WASL: variants seen among roughly 807,000 people sequenced by gnomAD.
The protein encoded by WASL is actin nucleation-promoting factor WASL.
In WASL, 20 loss-of-function variants were observed where a neutral mutation model predicts 55.5. The observed-to-expected ratio is 0.36, with a 90% CI of 0.25 to 0.52. The LOEUF is 0.52. WASL is among the 20% of genes least tolerant of loss of function. WASL has a pLI of 0.92. For missense variants in WASL, 504 were observed against 622.5 expected (o/e 0.81, Z 2.03); for synonymous variants, 249 against 217.6 (o/e 1.14, Z -1.27).
intron 10 of WASL, among the ~76,000 whole-genome samples, chr7:123,688,148 T>C (rs1428422154): frequency 6.6e-6 from 1 of 152,182 alleles, no homozygotes; most frequent in African/African-American, 2.4e-5. Flanking sequence ...GTTCTTTCTT[T>C]AAAGGAATAT....
At chr7:123,716,318 CA>C (rs1452164435) in intron 1 of WASL, among the ~76,000 whole-genome samples, 1 of 152,092 alleles carries the variant, frequency 6.6e-6, no homozygotes, top group East Asian at 1.9e-4. Context: ...CAGGTTCAAG[CA>C]ATTCTCCCAC....
At chr7:123,685,057 T>C (rs776513967) in intron 10 of WASL, among the ~76,000 whole-genome samples, 14 of 151,928 alleles carry the variant, frequency 9.2e-5, no homozygotes, top group Non-Finnish European at 1.6e-4. Flanking sequence ...CTTCCTCCTT[T>C]TTCACGATCC....
intron 1 of WASL, among the ~76,000 whole-genome samples, chr7:123,718,752 G>T (rs989907118): frequency 6.6e-6 from 1 of 152,150 alleles, no homozygotes; most frequent in Non-Finnish European, 1.5e-5. Context: ...TTGCTGTAAT[G>T]GGGTGCTCAC....
At chr7:123,711,434 T>G (rs565892832) in intron 1 of WASL, among the ~76,000 whole-genome samples, 5 of 152,158 alleles carry the variant, frequency 3.3e-5, no homozygotes, top group Non-Finnish European at 7.4e-5. Context: ...AAACAACTAT[T>G]CAAAAGCAAT....
At chr7:123,727,383 A>ACACACACACACACAC (rs3035631) in intron 1 of WASL, among the ~76,000 whole-genome samples, 1 of 151,864 alleles carries the variant, frequency 6.6e-6, no homozygotes, top group Non-Finnish European at 1.5e-5. Context: ...ACACACACAC[A>ACACACACACACACAC]AACTTATACA....
At chr7:123,729,765 A>G (rs1184610508) in intron 1 of WASL, among the ~76,000 whole-genome samples, 1 of 152,192 alleles carries the variant, frequency 6.6e-6, no homozygotes, top group African/African-American at 2.4e-5. Flanking sequence ...TTCTATGAGC[A>G]TTACTTTGAG....
At chr7:123,714,978 T>C (rs910960362) in intron 1 of WASL, among the ~76,000 whole-genome samples, 2 of 152,024 alleles carry the variant, frequency 1.3e-5, no homozygotes, top group African/African-American at 4.8e-5. Context: ...GTGAACTGTG[T>C]GGAGTAGGAA....
In WASL at chr7:123,682,827, A is replaced by C. The variant is rs933758807; in HGVS notation, c.*1692T>G. 6.6e-6 allele frequency: 1 copy of C among 152,126 alleles called. No individual in the cohort carries two copies. Among genetic ancestry groups the C allele is most frequent in the Non-Finnish European group, 1.5e-5 (1 of 68,010 alleles). The allele number at this position is 152,126 out of a possible 1,614,324, so 9.4% of individuals were successfully genotyped here. On this transcript the variant is annotated 3_prime_UTR_variant, in exon 11 of 11. Transcript: ENST00000223023. ...AGTAGAAAAAGGTTTCTAGCAGCAG[A>C]GGGCACTGTTGTTGCAAGAAACAAA...
At chr7:123,701,532 G>T (rs970497927) in intron 5 of WASL, among the ~76,000 whole-genome samples, 1 of 152,216 alleles carries the variant, frequency 6.6e-6, no homozygotes, top group African/African-American at 2.4e-5. Context: ...AAGAAATTAG[G>T]AGTGAGGAAG....
chr7:123,706,573 T>C (rs1254590375), intron 3 of WASL, among the ~76,000 whole-genome samples, 167 bp downstream of exon 3: 2 of 152,178 alleles, frequency 1.3e-5, no homozygotes, highest in African/African-American at 2.4e-5. Context: ...TTAGAGAAGT[T>C]ACCTATCACA....
chr7:123,726,550 C>T (rs117416280), intron 1 of WASL, among the ~76,000 whole-genome samples: 2 of 152,108 alleles, frequency 1.3e-5, no homozygotes, highest in East Asian at 3.9e-4. Context: ...ACTAAAAAAT[C>T]CTGCCCATCA....
intron 10 of WASL, among the ~76,000 whole-genome samples, chr7:123,685,871 TATAA>T (rs35973687): frequency 0.13 from 18,846 of 147,368 alleles, 1,410 homozygotes; most frequent in Admixed American, 0.19. Context: ...TATATAAATA[TATAA>T]ATATATATAA....
Position 123,709,237 on chromosome 7 carries a change from A to C in WASL, c.118-14T>G, listed in dbSNP as rs1422432535. 1.3e-6 allele frequency: 2 copies of C among 1,595,098 alleles called. No homozygotes were observed. Among genetic ancestry groups the C allele is most frequent in the Non-Finnish European group, 1.7e-6 (2 of 1,171,056 alleles). Reference sequence around the variant, plus strand: ...TGAAGACATAGTCTGCAAAATATAAAATTTATAACCATTAGGTTCAAAATA... The same window carrying C: ...TGAAGACATAGTCTGCAAAATATAACATTTATAACCATTAGGTTCAAAATA... On this transcript the variant is annotated splice_polypyrimidine_tract_variant and intron_variant, in intron 1 of 10. Coordinates refer to ENST00000223023, the MANE Select transcript of WASL (RefSeq NM_003941.4).
chr7:123,748,815 G>A lies in WASL; in HGVS notation c.-81C>T. The A allele has an allele frequency of 8.0e-7, 1 of 1,244,752 alleles. No individual in the cohort carries two copies. Among genetic ancestry groups the A allele is most frequent in the South Asian group, 1.4e-5 (1 of 69,054 alleles). 77.1% of individuals were successfully genotyped at this position (1,244,752 alleles called of 1,614,324 possible). ...AGCTCGTTCCCCCTCTCGGTGACAG[G>A]GGCGGGGAGAAGTGGAGTCAGAGGC... On this transcript the variant is annotated 5_prime_UTR_variant, in exon 1 of 11. Coordinates refer to ENST00000223023, the MANE Select transcript of WASL (RefSeq NM_003941.4).
intron 2 of WASL, 130 bp from the exon 3 acceptor site, chr7:123,706,956 TTTATA>T (rs1308236975): frequency 2.3e-5 from 11 of 473,444 alleles, no homozygotes; most frequent in African/African-American, 2.0e-4. Context: ...ATGTAACATA[TTTATA>T]ATATATAAAT....
At chr7:123,701,197 C>G (rs997494859) in intron 5 of WASL, among the ~76,000 whole-genome samples, 1 of 152,126 alleles carries the variant, frequency 6.6e-6, no homozygotes, top group Non-Finnish European at 1.5e-5. Context: ...AAATTACACT[C>G]CTCCTAAGAA....
At chr7:123,746,157 T>G (rs1333482196) in intron 1 of WASL, among the ~76,000 whole-genome samples, 1 of 152,188 alleles carries the variant, frequency 6.6e-6, no homozygotes, top group Non-Finnish European at 1.5e-5. Context: ...AGCAGCCTCT[T>G]ACACATCACT....
At chr7:123,688,994 C>G in intron 10 of WASL, 48 bp downstream of exon 10, 1 of 1,448,846 alleles carries the variant, frequency 6.9e-7, no homozygotes, top group Non-Finnish European at 9.5e-7. Context: ...AACACACACG[C>G]ACACTCTCTC....
chr7:123,727,772 C>T (rs1804076084), intron 1 of WASL, among the ~76,000 whole-genome samples: 1 of 152,088 alleles, frequency 6.6e-6, no homozygotes, highest in African/African-American at 2.4e-5. Context: ...TGTCAAAATT[C>T]ATCAAAGTTA....
Sources: allele counts gnomAD v4.1 joint callset (sites outside exome capture counted in the v4.1 genomes callset), GRCh38; gene constraint gnomAD v4.1.1; transcripts MANE v1.5; gene names NCBI Gene and HGNC (gene_info 2026-07-23, HGNC 2026-07-21).